Variants in ADAMTS20 observed in about 807,000 individuals in gnomAD.
ADAMTS20 encodes the protein ADAM metallopeptidase with thrombospondin type 1 motif 20.
In ADAMTS20, 225 loss-of-function variants were observed where a neutral mutation model predicts 260.1. The observed-to-expected ratio is 0.87, with a 90% CI of 0.78 to 0.97. The LOEUF (loss-of-function observed/expected upper bound fraction) is 0.97, where lower values mean the gene tolerates loss of function less well. Ranked by LOEUF, ADAMTS20 falls within the 50% of genes least tolerant of loss-of-function variation. ADAMTS20 has a pLI of 0.00. For synonymous variants in ADAMTS20, 802 were observed against 769.5 expected, an observed-to-expected ratio of 1.04 and a Z score of -0.70; for missense variants, 2,400 against 2,337.7, an observed-to-expected ratio of 1.03 and a Z score of -0.55.
chr12:43,399,140 C>T lies in ADAMTS20; in HGVS notation c.4378G>A (p.Val1460Ile). 1 of 1,557,796 alleles carries T rather than the reference C, an allele frequency of 6.4e-7. No homozygotes were observed. The highest frequency in any genetic ancestry group is 8.7e-7 in the Non-Finnish European group (1 of 1,149,556). ...GCTTTGTGAGTTGGAGGTTTCTGTA[C>T]TTGACTGCAATTTGTGTCTTCTAAT... ...RKLEDTNCSQ[V>I]QKPPTHKACR... Residue 1460 changes from valine to isoleucine, a missense_variant, in exon 29 of 39, where the codon GTA becomes ATA. By Grantham distance (29) the Val-to-Ile change is conservative. Coordinates refer to ENST00000389420, the MANE Select transcript of ADAMTS20 (RefSeq NM_025003.5).
At chr12:43,402,196 G>A (rs1940823017) in intron 28 of ADAMTS20, among the ~76,000 whole-genome samples, 1 of 151,958 alleles carries the variant, frequency 6.6e-6, no homozygotes, top group African/African-American at 2.4e-5. Flanking sequence ...AAAGTGGCAT[G>A]TGTAATAACT....
At chr12:43,393,493 G>A (rs1940638540) in intron 29 of ADAMTS20, among the ~76,000 whole-genome samples, 1 of 151,918 alleles carries the variant, frequency 6.6e-6, no homozygotes, top group South Asian at 2.1e-4. Flanking sequence ...CGAATCCACA[G>A]GTACTGTAAC....
intron 11 of ADAMTS20, 84 bp from the exon 12 acceptor site, chr12:43,454,136 A>G (rs1380497102): frequency 6.9e-7 from 1 of 1,452,656 alleles, no homozygotes. Flanking sequence ...CATAAAGATC[A>G]ACAGAAGAAC....
intron 3 of ADAMTS20, among the ~76,000 whole-genome samples, chr12:43,502,705 A>G (rs1386798062): frequency 6.6e-6 from 1 of 152,170 alleles, no homozygotes; most frequent in Admixed American, 6.5e-5. Context: ...TTTATTAACT[A>G]CCAAGTAGAA....
chr12:43,498,897 A>G (rs1209165668), intron 4 of ADAMTS20, among the ~76,000 whole-genome samples: 3 of 152,208 alleles, frequency 2.0e-5, no homozygotes, highest in South Asian at 2.1e-4. Flanking sequence ...TTCACCTTTA[A>G]TATTTTTGCA....
intron 7 of ADAMTS20, among the ~76,000 whole-genome samples, chr12:43,483,094 C>T (rs547984505): frequency 1.1e-3 from 171 of 152,304 alleles, no homozygotes; most frequent in African/African-American, 4.0e-3. Context: ...GTCTACGTCA[C>T]TCCTCTTCCA....
chr12:43,435,658 C>CAA (rs1941538760), intron 18 of ADAMTS20, among the ~76,000 whole-genome samples: 1 of 105,486 alleles, frequency 9.5e-6, no homozygotes. Context: ...AAAAAAAAAA[C>CAA]AAAAAAATAA....
intron 22 of ADAMTS20, 63 bp downstream of exon 22, chr12:43,431,269 C>G: frequency 6.5e-7 from 1 of 1,534,008 alleles, no homozygotes; most frequent in Non-Finnish European, 8.8e-7. Flanking sequence ...GTAAATATAA[C>G]ACAACTTTTG....
In ADAMTS20 at chr12:43,470,167, T is replaced by A. The variant is rs1011054931; in HGVS notation, c.1118-1462A>T. 2.0e-5 allele frequency among the ~76,000 whole-genome samples: 3 copies of A among 152,226 alleles called. 1 individual carries two copies. Among genetic ancestry groups the A allele is most frequent in the Admixed American group, 1.3e-4 (2 of 15,284 alleles). On this transcript the variant is annotated intron_variant, in intron 7 of 38. Coordinates refer to ENST00000389420, the MANE Select transcript of ADAMTS20 (RefSeq NM_025003.5). ...TTCAGTTGTTTAGTGGATCATCATC[T>A]TATTATATGTTTCTCTTTTGTCAGG...
intron 28 of ADAMTS20, among the ~76,000 whole-genome samples, chr12:43,424,423 C>A (rs1258206105): frequency 2.0e-5 from 3 of 152,022 alleles, no homozygotes; most frequent in Non-Finnish European, 2.9e-5. Context: ...GGGAGAAATG[C>A]ATAATCTATA....
chr12:43,393,914 C>T (rs575387207), intron 29 of ADAMTS20, among the ~76,000 whole-genome samples: 1 of 152,014 alleles, frequency 6.6e-6, no homozygotes, highest in Non-Finnish European at 1.5e-5. Flanking sequence ...GCAGCCATGG[C>T]ATTTTTTAAT....
chr12:43,547,353 G>C (rs1474951058), intron 2 of ADAMTS20, among the ~76,000 whole-genome samples: 1 of 152,180 alleles, frequency 6.6e-6, no homozygotes, highest in Non-Finnish European at 1.5e-5. Flanking sequence ...GATACTGGAG[G>C]GGGAGGGGGA....
intron 33 of ADAMTS20, 79 bp downstream of exon 33, chr12:43,376,445 G>A (rs1940230608): frequency 6.7e-7 from 1 of 1,494,042 alleles, no homozygotes; most frequent in Admixed American, 2.2e-5. Context: ...TGTGGAGTGT[G>A]AAACTACTAC....
rs201209870 is a variant in ADAMTS20, at chr12:43,425,507, A to G, written c.4284+7T>C. 252 of 1,495,394 alleles carry G rather than the reference A, an allele frequency of 1.7e-4. 1 individual carries two copies. The highest frequency in any genetic ancestry group is 6.7e-4 in the South Asian group (49 of 72,840). 92.6% of individuals were successfully genotyped at this position (1,495,394 alleles called of 1,614,324 possible). On this transcript the variant is annotated splice_region_variant and intron_variant, in intron 28 of 38. Coordinates refer to ENST00000389420, the MANE Select transcript of ADAMTS20 (RefSeq NM_025003.5). ...TGACATGTTAACAGACAAGAGTGCT[A>G]TCATACCGATGTCCATGGTTCCTGA... is the stretch of plus-strand genomic sequence containing the variant.
At chr12:43,456,610 T>C (rs78100999) in intron 11 of ADAMTS20, among the ~76,000 whole-genome samples, 3,659 of 152,302 alleles carry the variant, frequency 0.024, 69 homozygotes, top group East Asian at 0.079. Context: ...AGGCAATTTT[T>C]CCTTTCTGCA....
At chr12:43,546,790 C>A (rs1943445989) in intron 2 of ADAMTS20, among the ~76,000 whole-genome samples, 13 of 152,012 alleles carry the variant, frequency 8.6e-5, no homozygotes, top group Admixed American at 8.5e-4. Flanking sequence ...CATTTTTATA[C>A]TTTTTATAGA....
At chr12:43,453,409 G>C (rs978937646) in intron 12 of ADAMTS20, among the ~76,000 whole-genome samples, 1 of 152,028 alleles carries the variant, frequency 6.6e-6, no homozygotes, top group African/African-American at 2.4e-5. Context: ...GTTTGATGAG[G>C]GGGAGATATG....
intron 14 of ADAMTS20, among the ~76,000 whole-genome samples, 185 bp downstream of exon 14, chr12:43,452,089 A>T (rs535449189): frequency 3.9e-5 from 6 of 152,280 alleles, no homozygotes; most frequent in African/African-American, 1.4e-4. Context: ...ATTCTTGATG[A>T]CAGAGAATTC....
intron 27 of ADAMTS20, among the ~76,000 whole-genome samples, chr12:43,426,524 CTTAT>C (rs1941336235): frequency 6.6e-6 from 1 of 152,134 alleles, no homozygotes; most frequent in Non-Finnish European, 1.5e-5. Context: ...ATCTTTGCTT[CTTAT>C]TTATTACCAT....
Sources: allele counts gnomAD v4.1 joint callset (sites outside exome capture counted in the v4.1 genomes callset), GRCh38; gene constraint gnomAD v4.1.1; transcripts MANE v1.5; gene names NCBI Gene and HGNC (gene_info 2026-07-23, HGNC 2026-07-21).